RBPJ: variants seen among roughly 807,000 people sequenced by gnomAD.
RBPJ encodes recombining binding protein suppressor of hairless.
Under a neutral mutation model 67.8 loss-of-function variants are expected in RBPJ, and 9 were observed. The ratio of observed to expected loss-of-function variants is 0.13; its 90% CI spans 0.08 to 0.23. The LOEUF (loss-of-function observed/expected upper bound fraction) is 0.23, where lower values mean the gene tolerates loss of function less well. RBPJ is among the 10% of genes least tolerant of loss of function. RBPJ has a pLI of 1.00. For synonymous variants in RBPJ, 198 were observed against 203.3 expected (o/e 0.97, Z 0.22); for missense variants, 305 against 595.6 (o/e 0.51, Z 5.08).
At chr4:26,345,969 A>G (rs907584111) in intron 1 of RBPJ, among the ~76,000 whole-genome samples, 1 of 152,148 alleles carries the variant, frequency 6.6e-6, no homozygotes, top group Non-Finnish European at 1.5e-5. Context: ...CTTGTTACTA[A>G]TCTTTCTCTT....
At chr4:26,363,178 C>T (rs1362170661) in intron 1 of RBPJ, among the ~76,000 whole-genome samples, 9 of 152,086 alleles carry the variant, frequency 5.9e-5, no homozygotes, top group African/African-American at 1.7e-4. Context: ...CTTGCTCTGT[C>T]GTCTGAGCTG....
At chr4:26,415,732 T>A in intron 4 of RBPJ, 92 bp downstream of exon 4, 1 of 1,223,558 alleles carries the variant, frequency 8.2e-7, no homozygotes, top group Non-Finnish European at 1.1e-6. Flanking sequence ...TTTTTTTCTT[T>A]AATAACTATT....
intron 1 of RBPJ, among the ~76,000 whole-genome samples, chr4:26,373,923 T>TA (rs1270910471): frequency 6.9e-6 from 1 of 145,824 alleles, no homozygotes; most frequent in Non-Finnish European, 1.5e-5. Flanking sequence ...TACTTTTTTT[T>TA]TTTTTTTTTT....
intron 1 of RBPJ, among the ~76,000 whole-genome samples, chr4:26,282,253 T>A (rs1721300998): frequency 6.7e-6 from 1 of 149,024 alleles, no homozygotes; most frequent in Non-Finnish European, 1.5e-5. Flanking sequence ...GAAAAAAAAA[T>A]GTCCATTTCT....
intron 1 of RBPJ, among the ~76,000 whole-genome samples, chr4:26,301,052 A>G (rs1722057845): frequency 6.6e-6 from 1 of 152,178 alleles, no homozygotes; most frequent in Non-Finnish European, 1.5e-5. Flanking sequence ...ACATCCAAAC[A>G]GGGAGGGGAC....
chr4:26,328,337 AT>A (rs1437099916), intron 1 of RBPJ, among the ~76,000 whole-genome samples: 1 of 152,202 alleles, frequency 6.6e-6, no homozygotes, highest in African/African-American at 2.4e-5. Flanking sequence ...TTGAACACTT[AT>A]TAGGTATAAG....
intron 1 of RBPJ, among the ~76,000 whole-genome samples, chr4:26,364,774 A>T (rs1477016561): frequency 6.6e-6 from 1 of 151,554 alleles, no homozygotes; most frequent in Non-Finnish European, 1.5e-5. Flanking sequence ...TACAGGCGCG[A>T]GCCACCATGC....
chr4:26,271,865 G>A (rs1355416149), intron 1 of RBPJ, among the ~76,000 whole-genome samples: 1 of 152,168 alleles, frequency 6.6e-6, no homozygotes, highest in Non-Finnish European at 1.5e-5. Flanking sequence ...ACACACACGT[G>A]CATGCACACG....
chr4:26,230,004 C>T (rs1719220681), intron 1 of RBPJ, among the ~76,000 whole-genome samples: 1 of 151,970 alleles, frequency 6.6e-6, no homozygotes, highest in South Asian at 2.1e-4. Context: ...GCCTGGGCAA[C>T]ATGGCGAAAC....
At chr4:26,164,956 C>G (rs1390673208) in intron 1 of RBPJ, among the ~76,000 whole-genome samples, 1 of 152,044 alleles carries the variant, frequency 6.6e-6, no homozygotes, top group Non-Finnish European at 1.5e-5. Context: ...GACAAATGTC[C>G]TTTTCATACC....
At chr4:26,360,859 C>T (rs1056393439) in intron 1 of RBPJ, among the ~76,000 whole-genome samples, 12 of 151,424 alleles carry the variant, frequency 7.9e-5, no homozygotes, top group African/African-American at 2.7e-4. Context: ...ATCCACCCAC[C>T]TTGGCCTCCC....
rs532673675 is a variant in RBPJ at position 26,251,817 on chromosome 4, C to A, written c.-167+88203C>A. On this transcript the variant is annotated intron_variant, in intron 1 of 4. Transcript: ENST00000512351. ...GAGCCAAGATTGTGCCGTTGCCCTC[C>A]AGCCTGGGTGACAGAGCGAGACTCC... Among the ~76,000 whole-genome samples, 10 of 136,482 alleles carry A rather than the reference C, an allele frequency of 7.3e-5. No individual in the cohort carries two copies. In the South Asian group the frequency reaches 2.0e-3, roughly 28 times the overall value. The allele number at this position is 136,482 out of a possible 152,430, so 89.5% of individuals were successfully genotyped here. A position where few individuals can be genotyped will look rare whatever the true frequency, so the allele number is the denominator to read the frequency against.
intron 1 of RBPJ, among the ~76,000 whole-genome samples, chr4:26,376,864 G>T (rs1034895160): frequency 2.6e-5 from 4 of 152,098 alleles, no homozygotes; most frequent in African/African-American, 9.7e-5. Context: ...GTATCTCATG[G>T]TTTTGATTTG....
intron 1 of RBPJ, among the ~76,000 whole-genome samples, chr4:26,355,674 A>C (rs1288809149): frequency 6.6e-6 from 1 of 152,082 alleles, no homozygotes; most frequent in African/African-American, 2.4e-5. Context: ...TCCTGCCAAC[A>C]AAAAAGCCTC....
chr4:26,134,196 A>G, the RBPJ span, among the ~76,000 whole-genome samples: 6 of 152,250 alleles, frequency 3.9e-5, no homozygotes, highest in East Asian at 1.2e-3. Context: ...TTGGGTCTCA[A>G]CGTCATGGGA....
At chr4:26,369,031 GAC>G (rs1378010275) in intron 1 of RBPJ, among the ~76,000 whole-genome samples, 2 of 152,018 alleles carry the variant, frequency 1.3e-5, no homozygotes, top group African/African-American at 4.8e-5. Context: ...TTATTTTGTT[GAC>G]TCCTGTAACT....
chr4:26,282,136 CTTTTTTT>C (rs869155604), intron 1 of RBPJ, among the ~76,000 whole-genome samples: 1 of 51,852 alleles, frequency 1.9e-5, no homozygotes, highest in Admixed American at 2.9e-4. Flanking sequence ...CTCTCTCTCT[CTTTTTTT>C]TTTTTTTTTT....
At chr4:26,141,135 A>C in the RBPJ span, among the ~76,000 whole-genome samples, 1 of 152,112 alleles carries the variant, frequency 6.6e-6, no homozygotes, top group South Asian at 2.1e-4. Flanking sequence ...CAATAATCCT[A>C]CCTACTTTCT....
intron 1 of RBPJ, among the ~76,000 whole-genome samples, chr4:26,296,456 A>G (rs186490156): frequency 4.6e-5 from 7 of 152,294 alleles, no homozygotes; most frequent in Non-Finnish European, 7.4e-5. Flanking sequence ...ATCAGGTTCA[A>G]TGTCAATCAA....
Sources: gnomAD v4.1 joint callset for allele counts (sites outside exome capture counted in the v4.1 genomes callset) on GRCh38, gnomAD v4.1.1 for gene constraint, MANE v1.5 for transcripts, NCBI Gene and HGNC (gene_info 2026-07-23, HGNC 2026-07-21) for gene names.